Variants in GRID1 observed in about 807,000 individuals in gnomAD.
GRID1 encodes the protein glutamate receptor ionotropic, delta-1.
A neutral mutation model predicts 98.0 loss-of-function variants in GRID1; 28 were observed. That is an observed-to-expected ratio of 0.29 (90% CI 0.21 to 0.39). The LOEUF (loss-of-function observed/expected upper bound fraction) is 0.39. GRID1 is among the 10% of genes least tolerant of loss of function. The pLI is 1.00. For missense variants in GRID1, 1,111 were observed against 1,340.5 expected (o/e 0.83, Z 2.67); for synonymous variants, 553 against 538.5 (o/e 1.03, Z -0.37).
At chr10:85,863,909 T>C (rs1843190114) in intron 6 of GRID1, among the ~76,000 whole-genome samples, 1 of 152,220 alleles carries the variant, frequency 6.6e-6, no homozygotes, top group African/African-American at 2.4e-5. Flanking sequence ...AAAATCATTC[T>C]TGGAGGAGAA....
At chr10:85,771,810 A>C in intron 8 of GRID1, among the ~76,000 whole-genome samples, 1 of 152,216 alleles carries the variant, frequency 6.6e-6, no homozygotes, top group Admixed American at 6.5e-5. Context: ...AGGAGTACCC[A>C]GATTCATAAA....
chr10:85,899,060 A>G (rs1429854358), intron 5 of GRID1, among the ~76,000 whole-genome samples: 2 of 152,194 alleles, frequency 1.3e-5, no homozygotes, highest in African/African-American at 4.8e-5. Flanking sequence ...GGTGACAGGA[A>G]TTTCTCAGCT....
At chr10:86,051,305 T>C (rs1298309555) in intron 4 of GRID1, among the ~76,000 whole-genome samples, 1 of 129,526 alleles carries the variant, frequency 7.7e-6, no homozygotes, top group Admixed American at 7.6e-5. Flanking sequence ...GATAATTATA[T>C]ACCAAAAAAA....
At chr10:85,694,548 GTGTATATA>G (rs1417557302) in intron 12 of GRID1, among the ~76,000 whole-genome samples, 1 of 70,704 alleles carries the variant, frequency 1.4e-5, no homozygotes, top group Admixed American at 2.2e-4. Flanking sequence ...AAAATGTGGT[GTGTATATA>G]TATATATATA....
chr10:86,287,724 T>A (rs1051764328), intron 2 of GRID1, among the ~76,000 whole-genome samples: 9 of 152,038 alleles, frequency 5.9e-5, no homozygotes, highest in Non-Finnish European at 1.3e-4. Flanking sequence ...AGTGAAATTA[T>A]TAATTTCACT....
Position 86,262,056 on chromosome 10 carries a change from G to A in GRID1, c.236-55408C>T, listed in dbSNP as rs113743333. ...GGATAGGTGAAGCAGTGTGTCCAGC[G>A]TAACACAGCCAGGAGGTGGCAGTGG... On this transcript the variant is annotated intron_variant, in intron 2 of 15. Coordinates refer to ENST00000327946, the MANE Select transcript of GRID1 (RefSeq NM_017551.3). Among the ~76,000 whole-genome samples, 1,251 of 152,312 alleles carry A rather than the reference G, an allele frequency of 8.2e-3. 22 individuals carry two copies. The highest frequency in any genetic ancestry group is 0.029 in the African/African-American group (1,202 of 41,568).
At chr10:86,343,275 A>G (rs1459172106) in intron 2 of GRID1, among the ~76,000 whole-genome samples, 1 of 152,238 alleles carries the variant, frequency 6.6e-6, no homozygotes, top group Non-Finnish European at 1.5e-5. Flanking sequence ...TAACAAAAAA[A>G]TCTGTATCTA....
At chr10:85,977,765 G>T (rs189667134) in intron 4 of GRID1, among the ~76,000 whole-genome samples, 2 of 152,150 alleles carry the variant, frequency 1.3e-5, no homozygotes, top group Admixed American at 1.3e-4. Context: ...CAGTCCTTAC[G>T]TGGCAGTCAC....
chr10:86,149,726 C>T (rs1845136524), intron 3 of GRID1, among the ~76,000 whole-genome samples: 1 of 152,224 alleles, frequency 6.6e-6, no homozygotes, highest in East Asian at 1.9e-4. Flanking sequence ...TCAAGATTTG[C>T]ATTTTACACA....
At position 85,869,187 on chromosome 10, in the gene GRID1, A is replaced by G. The variant is rs1475761837; in HGVS notation, c.781-7T>C. 2.5e-6 allele frequency: 4 copies of G among 1,612,114 alleles called. No individual in the cohort carries two copies. The highest frequency in any genetic ancestry group is 3.4e-6 in the Non-Finnish European group (4 of 1,178,310). ...TCTCCGGGTCACTGATTTCCTAGAA[A>G]AATAACCAGGCCCATGCTTACCATC... On this transcript the variant is annotated splice_polypyrimidine_tract_variant and splice_region_variant and intron_variant, in intron 5 of 15. Coordinates refer to ENST00000327946, the MANE Select transcript of GRID1 (RefSeq NM_017551.3).
chr10:86,210,125 G>A (rs915061410), intron 2 of GRID1, among the ~76,000 whole-genome samples: 3 of 152,206 alleles, frequency 2.0e-5, no homozygotes, highest in Non-Finnish European at 4.4e-5. Context: ...CTGGGACACA[G>A]AGGAGGGTAA....
At chr10:85,983,654 A>G (rs371962747) in intron 4 of GRID1, among the ~76,000 whole-genome samples, 2 of 152,126 alleles carry the variant, frequency 1.3e-5, no homozygotes, top group East Asian at 3.9e-4. Flanking sequence ...CCAGGGTGTC[A>G]CATCCAGGGT....
At chr10:86,249,186 C>T (rs1046233672) in intron 2 of GRID1, among the ~76,000 whole-genome samples, 1 of 152,246 alleles carries the variant, frequency 6.6e-6, no homozygotes, top group Non-Finnish European at 1.5e-5. Context: ...GGGTCCCATA[C>T]TGAGATCTCC....
intron 3 of GRID1, among the ~76,000 whole-genome samples, chr10:86,190,466 A>G (rs1427588668): frequency 6.6e-6 from 1 of 152,200 alleles, no homozygotes; most frequent in Non-Finnish European, 1.5e-5. Context: ...GGGGCTGGGC[A>G]GTGCCCCATG....
chr10:85,912,243 A>G (rs1190300497), intron 5 of GRID1, among the ~76,000 whole-genome samples: 1 of 152,204 alleles, frequency 6.6e-6, no homozygotes, highest in Non-Finnish European at 1.5e-5. Context: ...TCTCTAAGGT[A>G]ATCTGCAACC....
At chr10:86,337,885 AT>A (rs1419357683) in intron 2 of GRID1, among the ~76,000 whole-genome samples, 1 of 150,978 alleles carries the variant, frequency 6.6e-6, no homozygotes, top group African/African-American at 2.4e-5. Flanking sequence ...TTTTTGTATT[AT>A]TAGTAGAGAC....
intron 8 of GRID1, among the ~76,000 whole-genome samples, chr10:85,738,604 T>C (rs1401168352): frequency 1.3e-5 from 2 of 152,136 alleles, no homozygotes; most frequent in Non-Finnish European, 2.9e-5. Flanking sequence ...CAAATGTGGA[T>C]CAGCTGGTGA....
intron 8 of GRID1, among the ~76,000 whole-genome samples, chr10:85,832,281 A>G (rs1020966386): frequency 1.3e-5 from 2 of 151,656 alleles, no homozygotes; most frequent in Non-Finnish European, 2.9e-5. Flanking sequence ...GAAATAGAGA[A>G]AAATACACAC....
intron 12 of GRID1, among the ~76,000 whole-genome samples, chr10:85,675,801 G>T (rs1841138463): frequency 6.6e-6 from 1 of 152,200 alleles, no homozygotes; most frequent in South Asian, 2.1e-4. Context: ...AGCTTCAGGT[G>T]TTCATGAGAA....
Sources: gnomAD v4.1 joint callset for allele counts (sites outside exome capture counted in the v4.1 genomes callset) on GRCh38, gnomAD v4.1.1 for gene constraint, MANE v1.5 for transcripts, NCBI Gene and HGNC (gene_info 2026-07-23, HGNC 2026-07-21) for gene names.